The following INAFM1 variants were observed in gnomAD, a reference collection of about 807,000 sequenced individuals.
INAFM1 encodes the protein InaF motif containing 1.
INAFM1 carries 11 observed loss-of-function variants against 9.4 expected under a neutral mutation model. The ratio of observed to expected loss-of-function variants is 1.17; its 90% confidence interval spans 0.74 to 1.94. The LOEUF (loss-of-function observed/expected upper bound fraction) is 1.94. Among genes scored for constraint, INAFM1 ranks in the 30% most tolerant of loss-of-function variants. INAFM1 has a pLI of 0.00. For missense variants in INAFM1, 318 were observed against 221.6 expected (o/e 1.44, Z -2.76); for synonymous variants, 161 against 109.5 (o/e 1.47, Z -2.94).
At position 47,275,694 on chromosome 19, in the gene INAFM1, C is replaced by T. The variant is rs940691952; in HGVS notation, c.*346C>T. 5.8e-6 allele frequency: 2 copies of T among 343,026 alleles called. No individual in the cohort carries two copies. Among genetic ancestry groups the T allele is most frequent in the Non-Finnish European group, 1.1e-5 (2 of 178,336 alleles). 21.2% of individuals were successfully genotyped at this position (343,026 alleles called of 1,614,324 possible). On this transcript the variant is annotated 3_prime_UTR_variant, in exon 1 of 1. Transcript: ENST00000552360. ...CTGCAATAAACGACAGCCTCGGCTG[C>T]CTCGTGCTGTGTCTGTCCTGTTGTC... is the stretch of plus-strand genomic sequence containing the variant.
At position 47,275,057 on chromosome 19, in the gene INAFM1, G is replaced by C; in HGVS notation, c.138G>C (p.Leu46=). 2 of 1,494,196 alleles carry C rather than the reference G, an allele frequency of 1.3e-6. No individual in the cohort carries two copies. Among genetic ancestry groups the C allele is most frequent in the South Asian group, 1.3e-5 (1 of 79,416 alleles). The allele number at this position is 1,494,196 out of a possible 1,614,324, so 92.6% of individuals were successfully genotyped here. Residue 46 remains leucine (L), a synonymous_variant, in exon 1 of 1, where the codon CTG becomes CTC. Transcript: ENST00000552360. ...YFLCVSLAAV[L]LAVYYGLIWV... is the part of the protein sequence containing the mutation. Reference sequence around the variant, plus strand: ...TCTGCGTCTCGCTAGCTGCCGTGCTGCTCGCCGTGTACTACGGTCTCATCT... The same window carrying C: ...TCTGCGTCTCGCTAGCTGCCGTGCTCCTCGCCGTGTACTACGGTCTCATCT...
Position 47,275,188 on chromosome 19 carries a change from C to G in INAFM1, c.269C>G (p.Ala90Gly). The G allele has an allele frequency of 2.0e-6, 3 of 1,480,400 alleles. No homozygotes were observed. Among genetic ancestry groups the G allele is most frequent in the Non-Finnish European group, 2.7e-6 (3 of 1,121,192 alleles). 91.7% of individuals were successfully genotyped at this position (1,480,400 alleles called of 1,614,324 possible). A position where few individuals can be genotyped will look rare whatever the true frequency, so the allele number is the denominator to read the frequency against. Reference sequence around the variant, plus strand: ...GTGCCGCCTGTCCCGGCGCCCGCCGCTGCCTCCCTCTCCTGCCTCCTGGGA... The same window carrying G: ...GTGCCGCCTGTCCCGGCGCCCGCCGGTGCCTCCCTCTCCTGCCTCCTGGGA... ...PGVPPVPAPA[A>G]ASLSCLLGVP... The change falls in exon 1 of 1, where the codon GCT becomes GGT. Residue 90 changes from alanine to glycine, a missense_variant. Transcript: ENST00000552360.
upstream of INAFM1, chr19:47,274,843 G>A: frequency 1.1e-6 from 1 of 932,694 alleles, no homozygotes; most frequent in Non-Finnish European, 1.3e-6. Context: ...GAGCGGGGCG[G>A]TCTGCGGGGT....
upstream of INAFM1, chr19:47,274,634 T>A (rs1455308185): frequency 1.6e-5 from 3 of 182,352 alleles, no homozygotes; most frequent in African/African-American, 9.6e-5. Flanking sequence ...GAGAACCGTG[T>A]TGTGGCGGGA....
Position 47,275,406 on chromosome 19 carries a change from G to C in INAFM1, c.*58G>C. 6.6e-7 allele frequency: 1 copy of C among 1,507,054 alleles called. No individual in the cohort carries two copies. Among genetic ancestry groups the C allele is most frequent in the African/African-American group, 1.4e-5 (1 of 69,008 alleles). The allele number at this position is 1,507,054 out of a possible 1,614,324, so 93.4% of individuals were successfully genotyped here. On this transcript the variant is annotated 3_prime_UTR_variant, in exon 1 of 1. Transcript: ENST00000552360. ...CCTCGAGAGCTCTGTGCTCCACGCC[G>C]AGGATGCACCGTCTCTGGATTGGTC...
In INAFM1 at chr19:47,275,081, C is replaced by G. The variant is rs540863961; in HGVS notation, c.162C>G (p.Ile54Met). The part of the protein sequence containing the change: ...AVLLAVYYGL[I>M]WVPTRSPAAP... ...TGCTCGCCGTGTACTACGGTCTCAT[C>G]TGGGTACCCACGCGGTCTCCCGCGG... The change falls in exon 1 of 1, where the codon ATC (isoleucine) becomes ATG (methionine). Residue 54 changes from isoleucine (I) to methionine (M), a missense_variant. Coordinates refer to ENST00000552360, the MANE Select transcript of INAFM1 (RefSeq NM_178511.6). 4.0e-6 allele frequency: 6 copies of G among 1,496,350 alleles called. No individual in the cohort carries two copies. The highest frequency in any genetic ancestry group is 5.3e-6 in the Non-Finnish European group (6 of 1,126,450). 92.7% of individuals were successfully genotyped at this position (1,496,350 alleles called of 1,614,324 possible).
Position 47,274,931 on chromosome 19 carries a change from C to T in INAFM1, c.12C>T (p.Thr4=). Residue 4 remains threonine (T), a synonymous_variant, in exon 1 of 1, where the codon ACC becomes ACT. Transcript: ENST00000552360. Reference sequence around the variant, plus strand: ...AGTGGGCTGCGGGGATGCGGGGGACCAGCTGCGTGGGCGGCGGCGCCGAGA... The same window carrying T: ...AGTGGGCTGCGGGGATGCGGGGGACTAGCTGCGTGGGCGGCGGCGCCGAGA... MRG[T]SCVGGGAESP... is the part of the protein sequence containing the mutation. The T allele has an allele frequency of 6.8e-6, 9 of 1,333,148 alleles. No homozygotes were observed. The South Asian group carries it at 7.9e-5, about 12-fold the overall frequency. The allele number at this position is 1,333,148 out of a possible 1,614,324, so 82.6% of individuals were successfully genotyped here.
chr19:47,275,518 T>C lies in INAFM1; in HGVS notation c.*170T>C. ...CCCAGGGGGTGTCAGCTCGGGGCCT[T>C]GCCTCTTGCAGCTACTCTGTGGTCA... On this transcript the variant is annotated 3_prime_UTR_variant, in exon 1 of 1. Transcript: ENST00000552360. 1.1e-6 allele frequency: 1 copy of C among 923,628 alleles called. No homozygotes were observed. Among genetic ancestry groups the C allele is most frequent in the Non-Finnish European group, 1.6e-6 (1 of 637,766 alleles). 57.2% of individuals were successfully genotyped at this position (923,628 alleles called of 1,614,324 possible).
chr19:47,275,521 C>T lies in INAFM1; in HGVS notation c.*173C>T, dbSNP rs867147443. The T allele has an allele frequency of 6.9e-6, 6 of 870,002 alleles. No individual in the cohort carries two copies. Among genetic ancestry groups the T allele is most frequent in the Non-Finnish European group, 6.8e-6 (4 of 589,042 alleles). The allele number at this position is 870,002 out of a possible 1,614,324, so 53.9% of individuals were successfully genotyped here. ...AGGGGGTGTCAGCTCGGGGCCTTGC[C>T]TCTTGCAGCTACTCTGTGGTCAGGC... On this transcript the variant is annotated 3_prime_UTR_variant, in exon 1 of 1. Transcript: ENST00000552360.
At position 47,275,194 on chromosome 19, in the gene INAFM1, C is replaced by T. The variant is rs1442631939; in HGVS notation, c.275C>T (p.Ser92Phe). Residue 92 changes from serine (S) to phenylalanine (F), a missense_variant, in exon 1 of 1, where the codon TCC (serine) becomes TTC (phenylalanine). Ser to Phe is a radical substitution (Grantham distance 155). Coordinates refer to ENST00000552360, the MANE Select transcript of INAFM1 (RefSeq NM_178511.6). ...CCTGTCCCGGCGCCCGCCGCTGCCTCCCTCTCCTGCCTCCTGGGAGTCCCC... is the reference window on the plus strand; with the variant it reads ...CCTGTCCCGGCGCCCGCCGCTGCCTTCCTCTCCTGCCTCCTGGGAGTCCCC... Reference protein sequence around the residue: ...VPPVPAPAAASLSCLLGVPGG... With the variant: ...VPPVPAPAAAFLSCLLGVPGG... The T allele has an allele frequency of 1.3e-6, 2 of 1,501,096 alleles. No homozygotes were observed. The highest frequency in any genetic ancestry group is 2.8e-5 in the East Asian group (1 of 36,106). The allele number at this position is 1,501,096 out of a possible 1,614,324, so 93.0% of individuals were successfully genotyped here. A position where few individuals can be genotyped will look rare whatever the true frequency, so the allele number is the denominator to read the frequency against.
upstream of INAFM1, chr19:47,274,876 G>A (rs2059146602): frequency 2.5e-6 from 3 of 1,215,052 alleles, no homozygotes; most frequent in Non-Finnish European, 3.1e-6. Flanking sequence ...TGGTGGGGGC[G>A]GGGCCTGTGC....
rs762488994 is a variant in INAFM1, at chr19:47,275,138, C to A, written c.219C>A (p.Ser73=). 4.1e-5 allele frequency: 61 copies of A among 1,491,054 alleles called. No homozygotes were observed. The South Asian group carries it at 7.6e-4, about 19-fold the overall frequency. 92.4% of individuals were successfully genotyped at this position (1,491,054 alleles called of 1,614,324 possible). A position where few individuals can be genotyped will look rare whatever the true frequency, so the allele number is the denominator to read the frequency against. ...CCGGCCCACAGCCCAGCGCGCCGTC[C>A]CCTCCGTGTGCTGCCCGCCCGGGCG... ...APAGPQPSAP[S]PPCAARPGVP... The change falls in exon 1 of 1, where the codon TCC becomes TCA. Residue 73 remains serine, a synonymous_variant. Transcript: ENST00000552360.
At position 47,274,983 on chromosome 19, in the gene INAFM1, G is replaced by C. The variant is rs2059147911; in HGVS notation, c.64G>C (p.Gly22Arg). ...ESPGGAGLSE[G>R]PRGRWLRLAP... ...CCCCGGAGGCGCGGGGCTGAGCGAG[G>C]GCCCGCGGGGGCGCTGGCTGCGCTT... Residue 22 changes from glycine to arginine, a missense_variant, in exon 1 of 1, where the codon GGC (glycine) becomes CGC (arginine). By Grantham distance (125) the Gly-to-Arg change is moderately radical. Transcript: ENST00000552360. 6.8e-7 allele frequency: 1 copy of C among 1,464,192 alleles called. No homozygotes were observed. Among genetic ancestry groups the C allele is most frequent in the Non-Finnish European group, 9.0e-7 (1 of 1,112,282 alleles). 90.7% of individuals were successfully genotyped at this position (1,464,192 alleles called of 1,614,324 possible). A position where few individuals can be genotyped will look rare whatever the true frequency, so the allele number is the denominator to read the frequency against.
chr19:47,275,333 G>A lies in INAFM1; in HGVS notation c.414G>A (p.Gly138=), dbSNP rs992538877. 5 of 1,545,144 alleles carry A rather than the reference G, an allele frequency of 3.2e-6. No individual in the cohort carries two copies. Among genetic ancestry groups the A allele is most frequent in the Non-Finnish European group, 4.4e-6 (5 of 1,144,524 alleles). The stretch of plus-strand genomic sequence containing the variant: ...GAGAGACGCCAGAGGCCGCGGAGGG[G>A]CGAAGACCCGGGTAACTCTCCCTTC... The part of the protein sequence containing the change: ...TPRETPEAAE[G]RRPG Residue 138 remains glycine, a synonymous_variant, in exon 1 of 1, where the codon GGG becomes GGA. Transcript: ENST00000552360.
In INAFM1 at chr19:47,275,271, A is replaced by G. The variant is rs1393997055; in HGVS notation, c.352A>G (p.Ser118Gly). Residue 118 changes from serine (S) to glycine (G), a missense_variant, in exon 1 of 1, where the codon AGC (serine) becomes GGC (glycine). Physicochemically the swap from Ser to Gly is moderately conservative, Grantham distance 56. Transcript: ENST00000552360. The stretch of plus-strand genomic sequence containing the variant: ...GCCGCTGAGCCGCCGCCGCCGCTAC[A>G]GCGACCCTGACCGCCGTCCGAGCCG... ...QLPLSRRRRYSDPDRRPSRQT... is the reference protein window; with the variant it reads ...QLPLSRRRRYGDPDRRPSRQT... 1 of 1,543,776 alleles carries G rather than the reference A, an allele frequency of 6.5e-7. No homozygotes were observed. The highest frequency in any genetic ancestry group is 8.7e-7 in the Non-Finnish European group (1 of 1,144,450).
In INAFM1 at chr19:47,275,000, G is replaced by C; in HGVS notation, c.81G>C (p.Trp27Cys). The change falls in exon 1 of 1, where the codon TGG becomes TGC. Residue 27 changes from tryptophan (W) to cysteine (C), a missense_variant. Physicochemically the swap from Trp to Cys is radical, Grantham distance 215 (BLOSUM62 -2). Coordinates refer to ENST00000552360, the MANE Select transcript of INAFM1 (RefSeq NM_178511.6). ...TGAGCGAGGGCCCGCGGGGGCGCTG[G>C]CTGCGCTTGGCTCCGGTATGCGCCT... ...AGLSEGPRGRWLRLAPVCAYF... is the reference protein window; with the variant it reads ...AGLSEGPRGRCLRLAPVCAYF... 6.8e-7 allele frequency: 1 copy of C among 1,473,954 alleles called. No homozygotes were observed. Among genetic ancestry groups the C allele is most frequent in the East Asian group, 3.0e-5 (1 of 33,304 alleles). 91.3% of individuals were successfully genotyped at this position (1,473,954 alleles called of 1,614,324 possible).
chr19:47,275,200 C>T lies in INAFM1; in HGVS notation c.281C>T (p.Ser94Phe), dbSNP rs1474056343. 5 of 1,515,954 alleles carry T rather than the reference C, an allele frequency of 3.3e-6. No homozygotes were observed. The highest frequency in any genetic ancestry group is 4.4e-6 in the Non-Finnish European group (5 of 1,134,092). The allele number at this position is 1,515,954 out of a possible 1,614,324, so 93.9% of individuals were successfully genotyped here. A position where few individuals can be genotyped will look rare whatever the true frequency, so the allele number is the denominator to read the frequency against. The change falls in exon 1 of 1, where the codon TCC (serine) becomes TTC (phenylalanine). Residue 94 changes from serine (S) to phenylalanine (F), a missense_variant. Physicochemically the swap from Ser to Phe is radical, Grantham distance 155 (BLOSUM62 -2). Transcript: ENST00000552360. ...PVPAPAAASL[S>F]CLLGVPGGPR... Reference sequence around the variant, plus strand: ...CCGGCGCCCGCCGCTGCCTCCCTCTCCTGCCTCCTGGGAGTCCCCGGCGGG... The same window carrying T: ...CCGGCGCCCGCCGCTGCCTCCCTCTTCTGCCTCCTGGGAGTCCCCGGCGGG...
chr19:47,275,275 A>T lies in INAFM1; in HGVS notation c.356A>T (p.Asp119Val). Residue 119 changes from aspartate (D) to valine (V), a missense_variant, in exon 1 of 1, where the codon GAC (aspartate) becomes GTC (valine). Transcript: ENST00000552360. ...CTGAGCCGCCGCCGCCGCTACAGCG[A>T]CCCTGACCGCCGTCCGAGCCGCCAG... is the stretch of plus-strand genomic sequence containing the variant. The part of the protein sequence containing the change: ...LPLSRRRRYS[D>V]PDRRPSRQTP... The T allele has an allele frequency of 6.5e-7, 1 of 1,545,006 alleles. No individual in the cohort carries two copies. Among genetic ancestry groups the T allele is most frequent in the Non-Finnish European group, 8.7e-7 (1 of 1,145,008 alleles).
rs2059149357 is a variant in INAFM1 at position 47,275,107 on chromosome 19, C to G, written c.188C>G (p.Ala63Gly). ...TGGGTACCCACGCGGTCTCCCGCGG[C>G]ACCCGCCGGCCCACAGCCCAGCGCG... ...LIWVPTRSPA[A>G]PAGPQPSAPS... Residue 63 changes from alanine (A) to glycine (G), a missense_variant, in exon 1 of 1, where the codon GCA (alanine) becomes GGA (glycine). Ala to Gly is a moderately conservative substitution (Grantham distance 60). Transcript: ENST00000552360. 4 of 1,492,928 alleles carry G rather than the reference C, an allele frequency of 2.7e-6. No homozygotes were observed. Among genetic ancestry groups the G allele is most frequent in the Non-Finnish European group, 3.6e-6 (4 of 1,125,126 alleles). 92.5% of individuals were successfully genotyped at this position (1,492,928 alleles called of 1,614,324 possible). A position where few individuals can be genotyped will look rare whatever the true frequency, so the allele number is the denominator to read the frequency against.
Sources: gnomAD v4.1 joint callset for allele counts on GRCh38, gnomAD v4.1.1 for gene constraint, MANE v1.5 for transcripts, NCBI Gene and HGNC (gene_info 2026-07-23, HGNC 2026-07-21) for gene names.